The following MASP1 variants were observed in gnomAD, a reference collection of about 807,000 sequenced individuals.
The protein encoded by MASP1 is MBL associated serine protease 1.
A neutral mutation model predicts 77.1 loss-of-function variants in MASP1; 59 were observed. That is an observed-to-expected ratio of 0.77 (90% CI 0.62 to 0.95). The LOEUF is 0.95. Among genes scored for constraint, MASP1 ranks in the 40% least tolerant of loss-of-function variants. The pLI is 0.00. For synonymous variants in MASP1, 362 were observed against 354.5 expected (o/e 1.02, Z -0.24); for missense variants, 885 against 912.9 (o/e 0.97, Z 0.39).
chr3:187,223,282 G>C lies in MASP1; in HGVS notation c.1742-88C>G, dbSNP rs983595119. 5.7e-6 allele frequency: 6 copies of C among 1,044,268 alleles called. No homozygotes were observed. In the African/African-American group the frequency reaches 9.4e-5, roughly 16 times the overall value. The allele number at this position is 1,044,268 out of a possible 1,614,324, so 64.7% of individuals were successfully genotyped here. A position where few individuals can be genotyped will look rare whatever the true frequency, so the allele number is the denominator to read the frequency against. ...GCTTGCAGCTCCATCATCCTCTTCT[G>C]TGGAGGAAAGACTGGATTGTTCTTC... On this transcript the variant is annotated intron_variant, in intron 13 of 15. Coordinates refer to the MASP1 transcript ENST00000337774.
chr3:187,223,614 T>A (rs963085030), intron 13 of MASP1, among the ~76,000 whole-genome samples: 1 of 152,146 alleles, frequency 6.6e-6, no homozygotes, highest in Non-Finnish European at 1.5e-5. Flanking sequence ...TAGCCAGCCC[T>A]CCTCTCTGCT....
Position 187,234,673 on chromosome 3 carries a change from C to T in MASP1, c.*1011G>A, listed in dbSNP as rs908545932. On this transcript the variant is annotated 3_prime_UTR_variant, in exon 11 of 11. Coordinates refer to ENST00000296280, the MANE Select transcript of MASP1 (RefSeq NM_139125.4). ...TCATGCCCCAGGGATGCCAGGCAGCCTGGCAGGATTTGGGTGACTTCTAAT... is the reference window on the plus strand; with the variant it reads ...TCATGCCCCAGGGATGCCAGGCAGCTTGGCAGGATTTGGGTGACTTCTAAT... 2.3e-6 allele frequency: 3 copies of T among 1,287,038 alleles called. No homozygotes were observed. In the African/African-American group the frequency reaches 4.6e-5, roughly 20 times the overall value. 79.7% of individuals were successfully genotyped at this position (1,287,038 alleles called of 1,614,324 possible). A position where few individuals can be genotyped will look rare whatever the true frequency, so the allele number is the denominator to read the frequency against.
Position 187,260,726 on chromosome 3 carries a change from A to G in MASP1, c.547+15T>C, listed in dbSNP as rs748858426. Reference sequence around the variant, plus strand: ...GCCTATAAGGGCAATGCATACAATCATTGGTAGGCTCTACCTCGGCAGGTC... The same window carrying G: ...GCCTATAAGGGCAATGCATACAATCGTTGGTAGGCTCTACCTCGGCAGGTC... On this transcript the variant is annotated intron_variant, in intron 4 of 10. Transcript: ENST00000296280. The G allele has an allele frequency of 2.4e-5, 38 of 1,614,048 alleles. No individual in the cohort carries two copies. Among genetic ancestry groups the G allele is most frequent in the Non-Finnish European group, 3.1e-5 (36 of 1,180,028 alleles).
chr3:187,262,559 G>A lies in MASP1; in HGVS notation c.399C>T (p.Ala133=). The part of the protein sequence containing the change: ...SNEERFTGFD[A]HYMAVDVDEC... ...CCAACTTACCCACAGCCATGTAGTG[G>A]GCATCAAAGCCTGTGAAACGCTCCT... The change falls in exon 3 of 11, where the codon GCC becomes GCT. Residue 133 remains alanine, a synonymous_variant. Transcript: ENST00000296280. 6.2e-7 allele frequency: 1 copy of A among 1,614,006 alleles called. No homozygotes were observed.
intron 4 of MASP1, among the ~76,000 whole-genome samples, chr3:187,260,298 C>T (rs1211654988): frequency 1.3e-5 from 2 of 152,202 alleles, no homozygotes; most frequent in Non-Finnish European, 2.9e-5. Context: ...TTGCCTCTTT[C>T]CTCTCTCACT....
At chr3:187,219,346 C>T (rs1711904409) in exon 16 of MASP1, 1 of 153,120 alleles carries the variant, frequency 6.5e-6, no homozygotes, top group Non-Finnish European at 1.5e-5. Context: ...CAGGTGTCTG[C>T]CTTCCCAAAC....
At chr3:187,280,266 C>G (rs1387372501) in intron 2 of MASP1, among the ~76,000 whole-genome samples, 2 of 152,078 alleles carry the variant, frequency 1.3e-5, no homozygotes, top group Admixed American at 6.5e-5. Context: ...TCGAATACAT[C>G]AAGGATATAG....
chr3:187,256,618 C>G (rs377514156), intron 5 of MASP1, 46 bp downstream of exon 5: 1 of 1,601,688 alleles, frequency 6.2e-7, no homozygotes, highest in Non-Finnish European at 8.5e-7. Flanking sequence ...CCAACTCAGC[C>G]AAGATTTTCC....
chr3:187,282,848 G>A (rs1042098596), intron 2 of MASP1, among the ~76,000 whole-genome samples: 9 of 152,158 alleles, frequency 5.9e-5, no homozygotes, highest in Middle Eastern at 3.2e-3. Context: ...ACCTCCCGCC[G>A]CCACCATGTT....
At position 187,235,496 on chromosome 3, in the gene MASP1, C is replaced by T. The variant is rs1363779127; in HGVS notation, c.*188G>A. 2 of 1,527,262 alleles carry T rather than the reference C, an allele frequency of 1.3e-6. No homozygotes were observed. The highest frequency in any genetic ancestry group is 1.2e-5 in the South Asian group (1 of 83,076). 94.6% of individuals were successfully genotyped at this position (1,527,262 alleles called of 1,614,324 possible). On this transcript the variant is annotated 3_prime_UTR_variant, in exon 11 of 11. Transcript: ENST00000296280. ...TGGACAAGCTCAGGAACACAGGTCT[C>T]CTGCCTGGAGCCTTTTCCCTATACC...
chr3:187,271,653 T>C (rs1716527262), intron 2 of MASP1, among the ~76,000 whole-genome samples: 1 of 97,882 alleles, frequency 1.0e-5, no homozygotes, highest in African/African-American at 4.6e-5. Flanking sequence ...TAATTTTTCT[T>C]TTTCTTCTCT....
At chr3:187,232,980 G>A (rs1712862698), downstream of MASP1, among the ~76,000 whole-genome samples, 1 of 152,174 alleles carries the variant, frequency 6.6e-6, no homozygotes, top group South Asian at 2.1e-4. Context: ...ACTCATGCTT[G>A]AACTTATCAA....
At chr3:187,239,511 G>C (rs1311991150) in intron 10 of MASP1, among the ~76,000 whole-genome samples, 1 of 152,200 alleles carries the variant, frequency 6.6e-6, no homozygotes, top group Non-Finnish European at 1.5e-5. Flanking sequence ...CTTGCCCAGG[G>C]CTTCTTCCCC....
At chr3:187,280,811 C>T (rs988355469) in intron 2 of MASP1, among the ~76,000 whole-genome samples, 1 of 152,160 alleles carries the variant, frequency 6.6e-6, no homozygotes. Context: ...AATTCTAATA[C>T]AAGCATGATG....
rs1163426787 is a variant in MASP1 at position 187,234,916 on chromosome 3, G to A, written c.*768C>T. On this transcript the variant is annotated 3_prime_UTR_variant, in exon 11 of 11. Transcript: ENST00000296280. ...TGGTGTCAGCTGGTGTTCCAGGGTG[G>A]CATATGGGCCCAAATGTGTTCTGAG... 4 of 1,287,048 alleles carry A rather than the reference G, an allele frequency of 3.1e-6. No homozygotes were observed. 79.7% of individuals were successfully genotyped at this position (1,287,048 alleles called of 1,614,324 possible).
At chr3:187,221,757 G>A (rs1484253199) in intron 14 of MASP1, among the ~76,000 whole-genome samples, 1 of 152,146 alleles carries the variant, frequency 6.6e-6, no homozygotes, top group African/African-American at 2.4e-5. Context: ...TCTCGATGCT[G>A]GATCTGTATT....
In MASP1 at chr3:187,235,878, C is replaced by G. The variant is rs756893343; in HGVS notation, c.1993G>C (p.Gly665Arg). Reference sequence around the variant, plus strand: ...TCATCAAAGATGACAAAGGCCCCACCGCTATCTCCAAGGCACGTGTCTTTG... The same window carrying G: ...TCATCAAAGATGACAAAGGCCCCACGGCTATCTCCAAGGCACGTGTCTTTG... ...GGKDTCLGDS[G>R]GAFVIFDDLS... is the part of the protein sequence containing the mutation. Residue 665 changes from glycine (G) to arginine (R), a missense_variant, in exon 11 of 11, where the codon GGT (glycine) becomes CGT (arginine). Coordinates refer to ENST00000296280, the MANE Select transcript of MASP1 (RefSeq NM_139125.4). 1.9e-6 allele frequency: 3 copies of G among 1,614,216 alleles called. No homozygotes were observed. Among genetic ancestry groups the G allele is most frequent in the Non-Finnish European group, 2.5e-6 (3 of 1,180,036 alleles).
At chr3:187,259,511 A>C (rs1296756884) in intron 4 of MASP1, among the ~76,000 whole-genome samples, 2 of 152,322 alleles carry the variant, frequency 1.3e-5, no homozygotes, top group Non-Finnish European at 2.9e-5. Context: ...TGGGGGCCTT[A>C]GGAAAATTAT....
At chr3:187,254,527 C>T (rs1386657629) in intron 5 of MASP1, among the ~76,000 whole-genome samples, 3 of 152,112 alleles carry the variant, frequency 2.0e-5, no homozygotes, top group Non-Finnish European at 4.4e-5. Context: ...GGTTGGAAAA[C>T]AGACAAACGC....
Sources: gnomAD v4.1 joint callset for allele counts (sites outside exome capture counted in the v4.1 genomes callset) on GRCh38, gnomAD v4.1.1 for gene constraint, MANE v1.5 for transcripts, NCBI Gene and HGNC (gene_info 2026-07-23, HGNC 2026-07-21) for gene names.